The following NPIPA8 variants were observed in gnomAD, a reference collection of about 807,000 sequenced individuals.
NPIPA8 encodes the protein nuclear pore complex-interacting protein family member A8.
NPIPA8 carries 1 observed loss-of-function variant against 7.1 expected under a neutral mutation model. The ratio of observed to expected loss-of-function variants is 0.14; its 90% CI spans 0.05 to 0.66. The LOEUF is 0.66. Ranked by LOEUF, NPIPA8 falls within the 30% of genes least tolerant of loss-of-function variation. The pLI is 0.84.
chr16:18,336,092 G>A (rs1446824866), upstream of NPIPA8, among the ~76,000 whole-genome samples: 1 of 149,320 alleles, frequency 6.7e-6, no homozygotes, highest in African/African-American at 2.5e-5. Context: ...AAAGTGTTGG[G>A]ATTACAGGCG....
At chr16:18,325,164 C>CTG (rs2141362586) in intron 2 of NPIPA8, among the ~76,000 whole-genome samples, 1 of 80,590 alleles carries the variant, frequency 1.2e-5, no homozygotes, top group South Asian at 4.1e-4. Context: ...AGGCCAGGTG[C>CTG]TGTAGCTCAC....
upstream of NPIPA8, among the ~76,000 whole-genome samples, chr16:18,335,352 G>C (rs371072710): frequency 7.5e-5 from 3 of 39,814 alleles, no homozygotes; most frequent in Admixed American, 4.7e-4. Flanking sequence ...TGCCTGCCAC[G>C]ATGCCCAGCT....
chr16:18,336,012 G>C (rs1369414603), upstream of NPIPA8, among the ~76,000 whole-genome samples: 3 of 151,728 alleles, frequency 2.0e-5, no homozygotes, highest in African/African-American at 7.3e-5. Context: ...AGTAGAGACA[G>C]GGTTTCATTG....
At chr16:18,324,832 AC>A (rs1301122720) in intron 2 of NPIPA8, among the ~76,000 whole-genome samples, 1 of 89,440 alleles carries the variant, frequency 1.1e-5, no homozygotes, top group African/African-American at 5.0e-5. Flanking sequence ...ACACACACAC[AC>A]ACACACAAAG....
upstream of NPIPA8, among the ~76,000 whole-genome samples, chr16:18,336,104 G>A (rs1219550100): frequency 4.7e-5 from 7 of 147,988 alleles, no homozygotes; most frequent in Admixed American, 6.7e-5. Flanking sequence ...TTACAGGCGT[G>A]AGCCACCGTG....
intron 4 of NPIPA8, among the ~76,000 whole-genome samples, chr16:18,323,819 G>GAA (rs1162097124): frequency 6.0e-4 from 20 of 33,172 alleles, no homozygotes; most frequent in South Asian, 3.6e-3. Flanking sequence ...CCCATCTCAG[G>GAA]AAAAAAAAAA....
intron 4 of NPIPA8, among the ~76,000 whole-genome samples, chr16:18,323,819 G>GA (rs1162097124): frequency 0.018 from 610 of 33,140 alleles, 32 homozygotes; most frequent in Middle Eastern, 0.025. Flanking sequence ...CCCATCTCAG[G>GA]AAAAAAAAAA....
upstream of NPIPA8, among the ~76,000 whole-genome samples, chr16:18,335,977 T>C (rs1900171572): frequency 6.6e-6 from 1 of 151,460 alleles, no homozygotes; most frequent in African/African-American, 2.4e-5. Context: ...CCCGCCACCA[T>C]GCCCAGCTAA....
At chr16:18,325,176 C>T (rs1335416463) in intron 2 of NPIPA8, among the ~76,000 whole-genome samples, 2 of 78,188 alleles carry the variant, frequency 2.6e-5, no homozygotes, top group African/African-American at 5.4e-5. Flanking sequence ...GTAGCTCACG[C>T]CTGTAATCCC....
At chr16:18,336,113 T>C (rs1900175851), upstream of NPIPA8, among the ~76,000 whole-genome samples, 1 of 142,842 alleles carries the variant, frequency 7.0e-6, no homozygotes, top group Admixed American at 6.9e-5. Flanking sequence ...TGAGCCACCG[T>C]GCCTGGCCCT....
upstream of NPIPA8, among the ~76,000 whole-genome samples, chr16:18,335,452 C>G (rs372381958): frequency 0.018 from 1,690 of 93,754 alleles, 1 homozygote; most frequent in African/African-American, 0.026. Flanking sequence ...TGCCCGCCTC[C>G]GCCTCCCAAA....
At position 18,325,208 on chromosome 16, in the gene NPIPA8, G is replaced by A. The variant is rs1422996500; in HGVS notation, c.193-710C>T. The stretch of plus-strand genomic sequence containing the variant: ...TCCCAGCACTTTGGGAGGCCGAGGC[G>A]GGTGAATCACAAGGTCAAGAGATGG... On this transcript the variant is annotated intron_variant, in intron 2 of 7. Coordinates refer to ENST00000541810, the Ensembl canonical transcript of NPIPA8. Among the ~76,000 whole-genome samples the A allele has an allele frequency of 5.0e-3, 325 of 65,210 alleles. 25 individuals carry two copies. The highest frequency in any genetic ancestry group is 0.019 in the African/African-American group (284 of 14,618). 42.8% of individuals were successfully genotyped at this position (65,210 alleles called of 152,430 possible). A position where few individuals can be genotyped will look rare whatever the true frequency, so the allele number is the denominator to read the frequency against.
intron 2 of NPIPA8, among the ~76,000 whole-genome samples, chr16:18,324,763 C>T (rs1166251345): frequency 1.4e-5 from 1 of 72,664 alleles, no homozygotes; most frequent in Admixed American, 1.5e-4. Context: ...GAGATCACAC[C>T]ACTGCACTCC....
upstream of NPIPA8, chr16:18,336,432 T>C (rs1900183346): frequency 8.5e-5 from 1 of 11,774 alleles, no homozygotes; most frequent in African/African-American, 4.9e-4. Flanking sequence ...GCCCTCGTTC[T>C]TTCACGATTC....
At chr16:18,323,819 GAAAA>G (rs1162097124) in intron 4 of NPIPA8, among the ~76,000 whole-genome samples, 418 of 32,996 alleles carry the variant, frequency 0.013, 3 homozygotes, top group African/African-American at 0.018. Flanking sequence ...CCCATCTCAG[GAAAA>G]AAAAAAAAAA....
chr16:18,323,847 A>AAAAAAAAAAAAAAAAAG lies in NPIPA8; in HGVS notation c.437+243_437+244insCTTTTTTTTTTTTTTTT, dbSNP rs750129798. 1.9e-4 allele frequency among the ~76,000 whole-genome samples: 17 copies of AAAAAAAAAAAAAAAAAG among 91,638 alleles called. 2 individuals are homozygous for AAAAAAAAAAAAAAAAAG. Among genetic ancestry groups the AAAAAAAAAAAAAAAAAG allele is most frequent in the South Asian group, 3.7e-4 (1 of 2,668 alleles). 60.1% of individuals were successfully genotyped at this position (91,638 alleles called of 152,430 possible). ...AAAAAAAAAAAAAAAAAAAAAAAAAAAGAGAAAGGAAAACCAATGCCAGTA... is the reference window on the plus strand; with the variant it reads ...AAAAAAAAAAAAAAAAAAAAAAAAAAAAAAAAAAAAAAAAAAGAGAGAAAGGAAAACCAATGCCAGTA... On this transcript the variant is annotated intron_variant, in intron 4 of 7. Transcript: ENST00000541810.
At chr16:18,335,907 G>T (rs1220116854), upstream of NPIPA8, among the ~76,000 whole-genome samples, 1 of 144,566 alleles carries the variant, frequency 6.9e-6, no homozygotes, top group Non-Finnish European at 1.5e-5. Context: ...TGCAAGCTCC[G>T]CCTCCTGGGT....
chr16:18,325,433 C>A (rs1477636083), intron 2 of NPIPA8, among the ~76,000 whole-genome samples: 30 of 96 alleles, frequency 0.31, no homozygotes, highest in South Asian at 0.5. Flanking sequence ...GACTCTGTCT[C>A]AAAAAAAAAA....
chr16:18,336,329 G>A (rs371660492), upstream of NPIPA8, among the ~76,000 whole-genome samples: 504 of 87,420 alleles, frequency 5.8e-3, 1 homozygote, highest in East Asian at 0.052. Context: ...CTTCTGGAGT[G>A]CATTTCGGAA....
Sources: gnomAD v4.1 joint callset for allele counts (sites outside exome capture counted in the v4.1 genomes callset) on GRCh38, gnomAD v4.1.1 for gene constraint, MANE v1.5 for transcripts, NCBI Gene and HGNC (gene_info 2026-07-23, HGNC 2026-07-21) for gene names.